GIGYF2: variants seen among roughly 807,000 people sequenced by gnomAD.
The protein encoded by GIGYF2 is GRB10-interacting GYF protein 2.
In GIGYF2, 25 loss-of-function variants were observed where a neutral mutation model predicts 208.1. The observed-to-expected ratio is 0.12, with a 90% CI of 0.09 to 0.17. The LOEUF (loss-of-function observed/expected upper bound fraction) is 0.17. Ranked by LOEUF, GIGYF2 falls within the 10% of genes least tolerant of loss-of-function variation. The pLI, the probability that GIGYF2 is intolerant of heterozygous loss-of-function variation, is 1.00. For synonymous variants in GIGYF2, 534 were observed against 543.8 expected, an observed-to-expected ratio of 0.98 and a Z score of 0.25; for missense variants, 1,302 against 1,579.4, an observed-to-expected ratio of 0.82 and a Z score of 2.98.
chr2:232,750,653 AT>A (rs1698303311), intron 5 of GIGYF2, among the ~76,000 whole-genome samples: 2 of 144,348 alleles, frequency 1.4e-5, no homozygotes, highest in African/African-American at 5.2e-5. Flanking sequence ...ATTTCTGTTA[AT>A]TTTTTTCTTG....
chr2:232,810,069 C>T (rs1465512788), intron 16 of GIGYF2, among the ~76,000 whole-genome samples: 2 of 152,226 alleles, frequency 1.3e-5, no homozygotes, highest in Non-Finnish European at 2.9e-5. Flanking sequence ...CTCACTGCAA[C>T]CTCTGCCTTC....
chr2:232,845,883 G>T lies in GIGYF2; in HGVS notation c.3457G>T (p.Asp1153Tyr). The T allele has an allele frequency of 6.3e-7, 1 of 1,597,874 alleles. No individual in the cohort carries two copies. The highest frequency in any genetic ancestry group is 8.6e-7 in the Non-Finnish European group (1 of 1,165,352). Residue 1153 changes from aspartate to tyrosine, a missense_variant, in exon 26 of 29, where the codon GAT (aspartate) becomes TAT (tyrosine). By Grantham distance (160) the Asp-to-Tyr change is radical. This residue lies in a region of GIGYF2 where 701 missense variants were observed against 793.0 expected (regional missense o/e 0.88). Coordinates refer to ENST00000373563, the MANE Select transcript of GIGYF2 (RefSeq NM_001103146.3). Reference protein sequence around the residue: ...LHALNTANNLDVPTFVSFLKE... With the variant: ...LHALNTANNLYVPTFVSFLKE... ...TGCCCTTAATACGGCAAATAACTTGGATGGTAAGAATTGGGGAGGGAAACC... is the reference window on the plus strand; with the variant it reads ...TGCCCTTAATACGGCAAATAACTTGTATGGTAAGAATTGGGGAGGGAAACC...
intron 7 of GIGYF2, among the ~76,000 whole-genome samples, chr2:232,761,118 A>G (rs1372492319): frequency 6.6e-6 from 1 of 152,192 alleles, no homozygotes; most frequent in African/African-American, 2.4e-5. Context: ...GGGAAAACAC[A>G]TTCTAAGAGC....
chr2:232,768,849 A>G, intron 8 of GIGYF2: 1 of 1,558,670 alleles, frequency 6.4e-7, no homozygotes, highest in Non-Finnish European at 8.8e-7. Flanking sequence ...TTTAGAATGA[A>G]GACTTTAAAT....
chr2:232,829,852 A>AT (rs1336718174), intron 21 of GIGYF2, among the ~76,000 whole-genome samples: 5 of 152,110 alleles, frequency 3.3e-5, no homozygotes, highest in Non-Finnish European at 7.4e-5. Flanking sequence ...TCTTACATGT[A>AT]TTTTTTCAAA....
chr2:232,738,117 A>G (rs1697817581), intron 3 of GIGYF2, among the ~76,000 whole-genome samples: 2 of 151,870 alleles, frequency 1.3e-5, no homozygotes, highest in South Asian at 2.1e-4. Context: ...GGGTTTCACC[A>G]TGTTGGCCAG....
At chr2:232,703,632 T>A (rs1695953550) in intron 2 of GIGYF2, 143 bp downstream of exon 2, 1 of 152,524 alleles carries the variant, frequency 6.6e-6, no homozygotes, top group African/African-American at 2.4e-5. Flanking sequence ...GCCTGTCAGA[T>A]CCTTTATGAA....
At chr2:232,768,119 T>C in intron 8 of GIGYF2, 1 of 1,460,508 alleles carries the variant, frequency 6.8e-7, no homozygotes, top group Non-Finnish European at 9.6e-7. Flanking sequence ...AAAGAAAACA[T>C]GAGATACAGT....
intron 14 of GIGYF2, among the ~76,000 whole-genome samples, chr2:232,798,720 C>T (rs1700299004): frequency 6.6e-6 from 1 of 151,836 alleles, no homozygotes. Context: ...TTGTCCTCTT[C>T]ATTCAAGTTT....
intron 23 of GIGYF2, among the ~76,000 whole-genome samples, chr2:232,841,012 C>T (rs1017723304): frequency 6.6e-6 from 1 of 151,712 alleles, no homozygotes; most frequent in East Asian, 1.9e-4. Flanking sequence ...TTGAAGTCAT[C>T]CAGTAAGATA....
chr2:232,756,369 A>G, intron 6 of GIGYF2, 35 bp downstream of exon 6: 1 of 1,076,604 alleles, frequency 9.3e-7, no homozygotes, highest in Non-Finnish European at 1.4e-6. Flanking sequence ...ATAATGGAGG[A>G]GGAGGAGGAG....
At chr2:232,747,483 C>A in intron 3 of GIGYF2, 132 bp from the exon 4 acceptor site, 2 of 962,796 alleles carry the variant, frequency 2.1e-6, no homozygotes, top group Non-Finnish European at 3.3e-6. Flanking sequence ...AAGCTAAAGT[C>A]TGATACTTTG....
At chr2:232,734,639 TAAAAA>T (rs946301041) in intron 2 of GIGYF2, among the ~76,000 whole-genome samples, 1 of 151,332 alleles carries the variant, frequency 6.6e-6, no homozygotes, top group Non-Finnish European at 1.5e-5. Flanking sequence ...CACTGTCTGT[TAAAAA>T]AAAATCACTA....
At chr2:232,737,948 GCT>G (rs1187127833) in intron 3 of GIGYF2, among the ~76,000 whole-genome samples, 1 of 126,726 alleles carries the variant, frequency 7.9e-6, no homozygotes, top group Non-Finnish European at 1.6e-5. Context: ...AGTCAGCCTC[GCT>G]CTGTCGCCCA....
At chr2:232,725,642 G>T (rs1255593556) in intron 2 of GIGYF2, among the ~76,000 whole-genome samples, 1 of 152,170 alleles carries the variant, frequency 6.6e-6, no homozygotes, top group Non-Finnish European at 1.5e-5. Flanking sequence ...TCAGTGTTAT[G>T]CTTCTCATTT....
intron 28 of GIGYF2, among the ~76,000 whole-genome samples, chr2:232,851,504 C>T (rs1363955520): frequency 6.6e-6 from 1 of 152,090 alleles, no homozygotes; most frequent in East Asian, 1.9e-4. Flanking sequence ...ACTGCAACCT[C>T]TGCCTCCCGG....
chr2:232,793,205 T>C (rs1217081732), intron 12 of GIGYF2, among the ~76,000 whole-genome samples: 1 of 152,110 alleles, frequency 6.6e-6, no homozygotes, highest in Non-Finnish European at 1.5e-5. Flanking sequence ...AAGGAGGATA[T>C]TGGGAAACGT....
intron 7 of GIGYF2, 112 bp from the exon 8 acceptor site, chr2:232,761,284 G>T: frequency 1.4e-6 from 1 of 716,610 alleles, no homozygotes; most frequent in Non-Finnish European, 2.5e-6. Flanking sequence ...GTATTTATTT[G>T]TTTTGTAATT....
chr2:232,697,659 G>A (rs554003610), intron 1 of GIGYF2, among the ~76,000 whole-genome samples: 1 of 152,366 alleles, frequency 6.6e-6, no homozygotes, highest in Middle Eastern at 3.4e-3. Context: ...GCGAGGAGCC[G>A]AGAAGCCCCT....
Sources: gnomAD v4.1 joint callset for allele counts (sites outside exome capture counted in the v4.1 genomes callset) on GRCh38, gnomAD v4.1.1 for gene constraint, gnomAD v4.1.1 regional missense constraint, MANE v1.5 for transcripts, NCBI Gene and HGNC (gene_info 2026-07-23, HGNC 2026-07-21) for gene names.